Variants in ADGRA1 observed in about 807,000 individuals in gnomAD.
The protein encoded by ADGRA1 is G-protein coupled receptor 123.
ADGRA1 carries 12 observed loss-of-function variants against 21.3 expected under a neutral mutation model. The observed-to-expected ratio is 0.56, with a 90% CI of 0.36 to 0.91. ADGRA1 has a LOEUF of 0.91. ADGRA1 is among the 40% of genes least tolerant of loss of function. The pLI is 0.01. For synonymous variants in ADGRA1, 385 were observed against 368.8 expected (o/e 1.04, Z -0.50); for missense variants, 790 against 805.6 (o/e 0.98, Z 0.23).
At chr10:133,092,739 G>C (rs979358368) in intron 2 of ADGRA1, among the ~76,000 whole-genome samples, 1 of 127,530 alleles carries the variant, frequency 7.8e-6, no homozygotes, top group African/African-American at 3.2e-5. Flanking sequence ...TGAAGAAGGA[G>C]AAATAGGGAG....
chr10:133,106,363 C>T (rs148789086), intron 5 of ADGRA1, among the ~76,000 whole-genome samples: 1 of 152,258 alleles, frequency 6.6e-6, no homozygotes, highest in Non-Finnish European at 1.5e-5. Flanking sequence ...ATGAGTCACA[C>T]GCAGGCTCCA....
Position 133,128,434 on chromosome 10 carries a change from G to A in ADGRA1, c.606G>A (p.Arg202=). Residue 202 remains arginine (R), a synonymous_variant, in exon 7 of 7, where the codon CGG becomes CGA. Coordinates refer to ENST00000392607, the MANE Select transcript of ADGRA1 (RefSeq NM_001083909.3). ...TCCTGGGCACCTACGTGCAGCTGCG[G>A]CGCCACCCAGGGCGCAGGTACGAGC... is the stretch of plus-strand genomic sequence containing the variant. ...VYFLGTYVQL[R]RHPGRRYELR... 1 of 1,605,258 alleles carries A rather than the reference G, an allele frequency of 6.2e-7. No homozygotes were observed. The highest frequency in any genetic ancestry group is 8.5e-7 in the Non-Finnish European group (1 of 1,176,962).
intron 5 of ADGRA1, among the ~76,000 whole-genome samples, chr10:133,109,442 C>A (rs1252877962): frequency 2.0e-5 from 3 of 152,110 alleles, no homozygotes; most frequent in Admixed American, 2.0e-4. Flanking sequence ...GACCACTCCC[C>A]AGACCCCCCA....
intron 5 of ADGRA1, among the ~76,000 whole-genome samples, chr10:133,106,788 A>G (rs1851901324): frequency 1.3e-5 from 2 of 152,240 alleles, no homozygotes; most frequent in Admixed American, 6.5e-5. Flanking sequence ...CCTCACAGAT[A>G]AAGCGGAAGG....
In ADGRA1 at chr10:133,130,689, A is replaced by C. The variant is rs942708802; in HGVS notation, c.*1178A>C. On this transcript the variant is annotated 3_prime_UTR_variant, in exon 7 of 7. Coordinates refer to ENST00000392607, the MANE Select transcript of ADGRA1 (RefSeq NM_001083909.3). ...ACACATGTGCATATCACACACATGCACACACACAAACACATGTGCATATCA... is the reference window on the plus strand; with the variant it reads ...ACACATGTGCATATCACACACATGCCCACACACAAACACATGTGCATATCA... 1.3e-5 allele frequency: 2 copies of C among 150,782 alleles called. No homozygotes were observed. Among genetic ancestry groups the C allele is most frequent in the African/African-American group, 5.0e-5 (2 of 40,124 alleles). 9.3% of individuals were successfully genotyped at this position (150,782 alleles called of 1,614,324 possible). A position where few individuals can be genotyped will look rare whatever the true frequency, so the allele number is the denominator to read the frequency against.
rs374491629 is a variant in ADGRA1 at position 133,098,698 on chromosome 10, G to A, written c.190G>A (p.Ala64Thr). 8.2e-5 allele frequency: 132 copies of A among 1,611,586 alleles called. No individual in the cohort carries two copies. Among genetic ancestry groups the A allele is most frequent in the Non-Finnish European group, 1.1e-4 (129 of 1,179,978 alleles). ...HTLLNFCFHAALTFTVFAGGI... is the reference protein window; with the variant it reads ...HTLLNFCFHATLTFTVFAGGI... ...GCTCCTGAATTTCTGCTTCCACGCG[G>A]CCCTGACCTTCACTGTGTTCGCCGG... Residue 64 changes from alanine (A) to threonine (T), a missense_variant, in exon 4 of 7, where the codon GCC becomes ACC. This residue lies in a region of ADGRA1 where 382 missense variants were observed against 415.6 expected (regional missense o/e 0.92). Coordinates refer to ENST00000392607, the MANE Select transcript of ADGRA1 (RefSeq NM_001083909.3).
At position 133,098,763 on chromosome 10, in the gene ADGRA1, G is replaced by A. The variant is rs764875817; in HGVS notation, c.255G>A (p.Ala85=). 7.5e-6 allele frequency: 12 copies of A among 1,610,268 alleles called. No homozygotes were observed. Among genetic ancestry groups the A allele is most frequent in the East Asian group, 4.5e-5 (2 of 44,862 alleles). Residue 85 remains alanine (A), a splice_region_variant and synonymous_variant, in exon 4 of 7, where the codon GCG becomes GCA. Transcript: ENST00000392607. ...NRTKYPILCQ[A]VGIVLHYSTL... is the part of the protein sequence containing the mutation. ...CCAAGTACCCCATCCTGTGCCAGGC[G>A]GTGAGTGCCGGGGCGCCCTCGTTGG...
intron 5 of ADGRA1, among the ~76,000 whole-genome samples, chr10:133,120,433 A>G (rs1197818299): frequency 6.6e-6 from 1 of 152,234 alleles, no homozygotes; most frequent in Non-Finnish European, 1.5e-5. Flanking sequence ...TATCTTGTTT[A>G]GTGCAGCCTC....
chr10:133,111,969 CACCACA>C, intron 5 of ADGRA1, among the ~76,000 whole-genome samples: 1 of 71,812 alleles, frequency 1.4e-5, no homozygotes, highest in South Asian at 4.9e-4. Context: ...ACCACCTGCC[CACCACA>C]GGCACCTCCC....
intron 2 of ADGRA1, chr10:133,093,237 C>T (rs994131496): frequency 6.3e-7 from 1 of 1,589,218 alleles, no homozygotes; most frequent in Non-Finnish European, 8.5e-7. Flanking sequence ...GTCACTTTCC[C>T]ACCTCTCACT....
intron 5 of ADGRA1, among the ~76,000 whole-genome samples, chr10:133,108,004 C>T (rs1185936924): frequency 1.3e-5 from 2 of 152,158 alleles, no homozygotes; most frequent in Non-Finnish European, 2.9e-5. Context: ...AGTGGGTGAC[C>T]CTGCACATCC....
intron 2 of ADGRA1, among the ~76,000 whole-genome samples, chr10:133,094,284 A>C (rs538797185): frequency 1.3e-5 from 2 of 152,370 alleles, no homozygotes; most frequent in South Asian, 2.1e-4. Context: ...GATTGGGCTT[A>C]ACATGAAGGG....
chr10:133,096,193 G>A (rs183676665), intron 2 of ADGRA1, among the ~76,000 whole-genome samples: 72 of 152,290 alleles, frequency 4.7e-4, no homozygotes, highest in African/African-American at 1.7e-3. Context: ...GCCTGTGCAC[G>A]CATGTTTCTG....
intron 4 of ADGRA1, among the ~76,000 whole-genome samples, chr10:133,100,344 G>T (rs1255722440): frequency 6.6e-6 from 1 of 152,256 alleles, no homozygotes; most frequent in Non-Finnish European, 1.5e-5. Flanking sequence ...GTAAGTGCCT[G>T]CGAGAGGCCG....
intron 4 of ADGRA1, among the ~76,000 whole-genome samples, chr10:133,098,984 C>G (rs575141799): frequency 6.6e-6 from 1 of 152,350 alleles, no homozygotes; most frequent in East Asian, 1.9e-4. Flanking sequence ...CCGGCGCTAA[C>G]CTGACACTTA....
chr10:133,109,589 C>T (rs1360995311), intron 5 of ADGRA1, among the ~76,000 whole-genome samples: 1 of 152,172 alleles, frequency 6.6e-6, no homozygotes, highest in Non-Finnish European at 1.5e-5. Flanking sequence ...TGCACCTCAG[C>T]TTCCTCTTAA....
Position 133,128,990 on chromosome 10 carries a change from C to A in ADGRA1, c.1162C>A (p.His388Asn). Residue 388 changes from histidine (H) to asparagine (N), a missense_variant, in exon 7 of 7, where the codon CAC becomes AAC. Coordinates refer to ENST00000392607, the MANE Select transcript of ADGRA1 (RefSeq NM_001083909.3). ...GGCCACCCCGTGCTGCGCCAAGATG[C>A]ACTGCGAGCCACTGACGGCGGACGA... Reference protein sequence around the residue: ...SPATPCCAKMHCEPLTADEAH... With the variant: ...SPATPCCAKMNCEPLTADEAH... 1 of 1,564,006 alleles carries A rather than the reference C, an allele frequency of 6.4e-7. No individual in the cohort carries two copies. Among genetic ancestry groups the A allele is most frequent in the Non-Finnish European group, 8.7e-7 (1 of 1,155,220 alleles).
chr10:133,124,057 C>T (rs1852328271), intron 5 of ADGRA1, among the ~76,000 whole-genome samples: 1 of 152,248 alleles, frequency 6.6e-6, no homozygotes, highest in African/African-American at 2.4e-5. Flanking sequence ...TGCCCCGGCA[C>T]TGATGGCCGC....
At chr10:133,094,375 G>A (rs746001835) in intron 2 of ADGRA1, among the ~76,000 whole-genome samples, 2 of 152,218 alleles carry the variant, frequency 1.3e-5, no homozygotes, top group Non-Finnish European at 2.9e-5. Context: ...GGGACAGGAC[G>A]CGGCTCGCAG....
Sources: allele counts gnomAD v4.1 joint callset (sites outside exome capture counted in the v4.1 genomes callset), GRCh38; gene constraint gnomAD v4.1.1; regional missense constraint gnomAD v4.1.1; transcripts MANE v1.5; gene names NCBI Gene and HGNC (gene_info 2026-07-23, HGNC 2026-07-21).